Variants in ESRP1 observed in about 807,000 individuals in gnomAD.
ESRP1 encodes RNA-binding motif protein 35A.
ESRP1 carries 33 observed loss-of-function variants against 81.7 expected under a neutral mutation model. The ratio of observed to expected loss-of-function variants is 0.40; its 90% CI spans 0.31 to 0.54. ESRP1 has a LOEUF of 0.54. ESRP1 is among the 20% of genes least tolerant of loss of function. ESRP1 has a pLI of 0.41. For missense variants in ESRP1, 672 were observed against 833.1 expected (o/e 0.81, Z 2.38); for synonymous variants, 320 against 303.3 (o/e 1.06, Z -0.57).
At chr8:94,692,131 A>AT (rs1482782123) in intron 13 of ESRP1, among the ~76,000 whole-genome samples, 3 of 152,082 alleles carry the variant, frequency 2.0e-5, no homozygotes, top group Non-Finnish European at 4.4e-5. Context: ...CGCCACCCCC[A>AT]TTTTTTAAAA....
At chr8:94,685,049 A>G (rs1809083514) in intron 13 of ESRP1, among the ~76,000 whole-genome samples, 1 of 151,554 alleles carries the variant, frequency 6.6e-6, no homozygotes, top group South Asian at 2.1e-4. Context: ...ATATATATCT[A>G]TATATGGCAA....
chr8:94,653,551 G>T (rs1032351441), intron 4 of ESRP1, among the ~76,000 whole-genome samples: 1 of 152,080 alleles, frequency 6.6e-6, no homozygotes, highest in African/African-American at 2.4e-5. Context: ...ACTTTGAAAA[G>T]GACTTCCTTA....
chr8:94,704,746 G>T (rs1202264453), intron 15 of ESRP1, among the ~76,000 whole-genome samples: 1 of 134,690 alleles, frequency 7.4e-6, no homozygotes, highest in Non-Finnish European at 1.6e-5. Flanking sequence ...GGGTGACAAT[G>T]CAAGGCACCA....
intron 4 of ESRP1, among the ~76,000 whole-genome samples, chr8:94,647,838 A>G (rs1817924221): frequency 6.6e-6 from 1 of 152,172 alleles, no homozygotes; most frequent in South Asian, 2.1e-4. Context: ...AAGCTATCTT[A>G]ATTTAGAAAA....
intron 15 of ESRP1, among the ~76,000 whole-genome samples, chr8:94,704,737 G>T (rs1490642231): frequency 2.9e-5 from 4 of 138,562 alleles, no homozygotes; most frequent in African/African-American, 1.1e-4. Context: ...CTCCAGCCTG[G>T]GTGACAATGC....
intron 9 of ESRP1, 80 bp downstream of exon 9, chr8:94,665,276 G>A: frequency 7.4e-7 from 1 of 1,356,760 alleles, no homozygotes; most frequent in Admixed American, 2.0e-5. Context: ...AAGAGTAGGT[G>A]AATAGGGTCA....
At chr8:94,656,111 G>C (rs1463643285) in intron 4 of ESRP1, 1 of 150,846 alleles carries the variant, frequency 6.6e-6, no homozygotes, top group Non-Finnish European at 1.5e-5. Flanking sequence ...AAACAGAGCA[G>C]GTTAAAACTC....
intron 9 of ESRP1, among the ~76,000 whole-genome samples, chr8:94,665,530 C>T (rs1232798714): frequency 6.6e-6 from 1 of 152,156 alleles, no homozygotes; most frequent in African/African-American, 2.4e-5. Flanking sequence ...TTCGCTCTGT[C>T]ACCCAAACTG....
rs1005613720 is a variant in ESRP1 at position 94,648,697 on chromosome 8, G to A, written c.490+2415G>A. ...TACCTGTTTCACCTGGTAAACCAGTGGGGGAGGGAAAGGGGCTTCTGTAAA... is the reference window on the plus strand; with the variant it reads ...TACCTGTTTCACCTGGTAAACCAGTAGGGGAGGGAAAGGGGCTTCTGTAAA... On this transcript the variant is annotated intron_variant, in intron 4 of 15. Coordinates refer to ENST00000433389, the MANE Select transcript of ESRP1 (RefSeq NM_017697.4). Among the ~76,000 whole-genome samples the A allele has an allele frequency of 2.6e-5, 4 of 152,230 alleles. No homozygotes were observed. The East Asian group carries it at 5.8e-4, about 22-fold the overall frequency.
intron 13 of ESRP1, among the ~76,000 whole-genome samples, chr8:94,689,811 C>CTTTTTTTTTTTTTGTTTTTTTTTTTTTTT (rs1809305437): frequency 1.5e-5 from 1 of 64,680 alleles, no homozygotes; most frequent in Non-Finnish European, 3.0e-5. Context: ...TGATGCCTGG[C>CTTTTTTTTTTTTTGTTTTTTTTTTTTTTT]TTTTTTTTTT....
At chr8:94,671,366 C>A in intron 10 of ESRP1, 87 bp from the exon 11 acceptor site, 2 of 1,109,068 alleles carry the variant, frequency 1.8e-6, no homozygotes, top group Non-Finnish European at 2.6e-6. Context: ...GCATTTCTAA[C>A]GAGCTTCCCA....
chr8:94,659,846 G>C (rs1818629290), intron 4 of ESRP1, among the ~76,000 whole-genome samples: 3 of 152,230 alleles, frequency 2.0e-5, no homozygotes, highest in Non-Finnish European at 4.4e-5. Context: ...GATATGGAGA[G>C]AGTGTGAGTG....
At chr8:94,673,563 C>G (rs550003927) in intron 11 of ESRP1, among the ~76,000 whole-genome samples, 1 of 152,306 alleles carries the variant, frequency 6.6e-6, no homozygotes, top group Admixed American at 6.5e-5. Context: ...CTCAATAAAA[C>G]TAAGGCGTTC....
At chr8:94,692,267 C>T (rs1809432354) in intron 13 of ESRP1, among the ~76,000 whole-genome samples, 1 of 152,126 alleles carries the variant, frequency 6.6e-6, no homozygotes, top group South Asian at 2.1e-4. Context: ...TTGGATACTT[C>T]TGGTCTCTGT....
chr8:94,668,740 G>A (rs1026920588), intron 10 of ESRP1, among the ~76,000 whole-genome samples: 3 of 147,246 alleles, frequency 2.0e-5, no homozygotes, highest in South Asian at 4.2e-4. Flanking sequence ...AGGCTTCATC[G>A]GTTTCATACC....
chr8:94,682,920 ATATATATATATATTTTTTTTT>A (rs1808964065), intron 13 of ESRP1, among the ~76,000 whole-genome samples: 1 of 28,684 alleles, frequency 3.5e-5, no homozygotes, highest in African/African-American at 2.1e-4. Context: ...ATATATATAT[ATATATATATATATTTTTTTTT>A]TTTTTTTTTT....
intron 15 of ESRP1, among the ~76,000 whole-genome samples, chr8:94,704,841 G>C (rs1325711357): frequency 1.3e-5 from 2 of 149,862 alleles, no homozygotes; most frequent in African/African-American, 4.9e-5. Flanking sequence ...TCCATCCTGG[G>C]TGATGGAGCT....
intron 4 of ESRP1, 72 bp from the exon 5 acceptor site, chr8:94,662,200 A>C: frequency 1.1e-6 from 1 of 922,592 alleles, no homozygotes; most frequent in Non-Finnish European, 1.6e-6. Flanking sequence ...TTGGCTTGGT[A>C]TAGGTTTAAT....
At chr8:94,678,575 A>G (rs1370916393) in intron 13 of ESRP1, among the ~76,000 whole-genome samples, 1 of 152,228 alleles carries the variant, frequency 6.6e-6, no homozygotes. Context: ...TGACAGCATG[A>G]TCTTTTAGGT....
Sources: gnomAD v4.1 joint callset for allele counts (sites outside exome capture counted in the v4.1 genomes callset) on GRCh38, gnomAD v4.1.1 for gene constraint, MANE v1.5 for transcripts, NCBI Gene and HGNC (gene_info 2026-07-23, HGNC 2026-07-21) for gene names.